The following CCSER1 variants were observed in gnomAD, a reference collection of about 807,000 sequenced individuals.
CCSER1 encodes coiled-coil serine rich protein 1, also known as serine-rich coiled-coil domain-containing protein 1.
CCSER1 carries 41 observed loss-of-function variants against 82.0 expected under a neutral mutation model. That is an observed-to-expected ratio of 0.50 (90% confidence interval 0.39 to 0.65). The LOEUF (loss-of-function observed/expected upper bound fraction) is 0.65, where lower values mean the gene tolerates loss of function less well. CCSER1 is among the 30% of genes least tolerant of loss of function. The probability of loss-of-function intolerance (pLI) is 0.00; values close to 1 mark genes in which losing one functional copy is unlikely to be tolerated. For synonymous variants in CCSER1, 414 were observed against 383.9 expected (o/e 1.08, Z -0.92); for missense variants, 1,119 against 1,064.2 (o/e 1.05, Z -0.72).
chr4:91,119,178 A>G (rs1726880413), intron 10 of CCSER1, among the ~76,000 whole-genome samples: 1 of 152,186 alleles, frequency 6.6e-6, no homozygotes, highest in Admixed American at 6.6e-5. Flanking sequence ...CAGAGATTTC[A>G]GGAAAACATT....
At chr4:90,776,382 A>C (rs958454802) in intron 7 of CCSER1, among the ~76,000 whole-genome samples, 1 of 152,200 alleles carries the variant, frequency 6.6e-6, no homozygotes, top group East Asian at 1.9e-4. Flanking sequence ...AAGTTATCTC[A>C]AAGATAATAG....
At chr4:90,240,939 A>G (rs2153434307) in intron 1 of CCSER1, among the ~76,000 whole-genome samples, 1 of 152,290 alleles carries the variant, frequency 6.6e-6, no homozygotes, top group East Asian at 1.9e-4. Flanking sequence ...AATATGCTCA[A>G]ATTCTTTGAG....
chr4:91,541,856 C>T (rs956336332), intron 10 of CCSER1, among the ~76,000 whole-genome samples: 3 of 152,194 alleles, frequency 2.0e-5, no homozygotes, highest in African/African-American at 4.8e-5. Flanking sequence ...AGTGTAAAAG[C>T]ATTCCTATTG....
intron 10 of CCSER1, among the ~76,000 whole-genome samples, chr4:91,180,006 G>C (rs1411070261): frequency 6.6e-6 from 1 of 152,224 alleles, no homozygotes; most frequent in African/African-American, 2.4e-5. Context: ...TGTCCTTTCT[G>C]TTTATTAGTT....
chr4:91,385,716 A>G (rs1307866331), intron 10 of CCSER1, among the ~76,000 whole-genome samples: 1 of 151,922 alleles, frequency 6.6e-6, no homozygotes, highest in Admixed American at 6.6e-5. Flanking sequence ...GGTAAGGGAA[A>G]AGTGGACAAA....
intron 10 of CCSER1, among the ~76,000 whole-genome samples, chr4:91,162,665 G>A (rs1451149438): frequency 1.3e-5 from 2 of 152,122 alleles, no homozygotes; most frequent in Non-Finnish European, 2.9e-5. Flanking sequence ...TTGGGAGGGT[G>A]TATGTGTCCA....
intron 5 of CCSER1, among the ~76,000 whole-genome samples, chr4:90,584,026 T>G (rs1781714059): frequency 6.6e-6 from 1 of 152,190 alleles, no homozygotes; most frequent in Non-Finnish European, 1.5e-5. Flanking sequence ...GTCACGGTGG[T>G]ATGCAGAACT....
At chr4:90,565,798 A>C (rs1779294190) in intron 5 of CCSER1, among the ~76,000 whole-genome samples, 1 of 150,640 alleles carries the variant, frequency 6.6e-6, no homozygotes, top group Admixed American at 6.6e-5. Context: ...TGTTAATATG[A>C]TGTGTCATAT....
intron 7 of CCSER1, among the ~76,000 whole-genome samples, chr4:90,755,938 TAAG>T (rs1749452000): frequency 6.6e-6 from 1 of 152,152 alleles, no homozygotes; most frequent in Non-Finnish European, 1.5e-5. Flanking sequence ...TTAAAATGCA[TAAG>T]AAGGCCAGCC....
chr4:90,227,539 A>G (rs1743415733), intron 1 of CCSER1, among the ~76,000 whole-genome samples: 1 of 152,248 alleles, frequency 6.6e-6, no homozygotes. Context: ...GCACCTTGCA[A>G]CATGTATTCA....
intron 5 of CCSER1, among the ~76,000 whole-genome samples, chr4:90,565,736 A>G (rs959093017): frequency 2.0e-5 from 3 of 152,208 alleles, no homozygotes; most frequent in Non-Finnish European, 2.9e-5. Context: ...AATTTTATCA[A>G]ATGCTTTTTC....
At chr4:91,092,912 G>A (rs1038550874) in intron 10 of CCSER1, among the ~76,000 whole-genome samples, 5 of 152,164 alleles carry the variant, frequency 3.3e-5, no homozygotes, top group Non-Finnish European at 7.4e-5. Flanking sequence ...GGTGTCCCTT[G>A]CAATGCATGA....
chr4:91,277,610 A>T, intron 10 of CCSER1, among the ~76,000 whole-genome samples: 1 of 78,726 alleles, frequency 1.3e-5, no homozygotes, highest in East Asian at 3.5e-4. Flanking sequence ...TTATCTATTT[A>T]CTTATCTTTT....
At chr4:91,286,699 A>G (rs1264906412) in intron 10 of CCSER1, among the ~76,000 whole-genome samples, 1 of 151,894 alleles carries the variant, frequency 6.6e-6, no homozygotes, top group Non-Finnish European at 1.5e-5. Flanking sequence ...TTTTGTGACC[A>G]TAATTACTAC....
At chr4:91,111,952 C>T (rs1726134191) in intron 10 of CCSER1, among the ~76,000 whole-genome samples, 1 of 151,646 alleles carries the variant, frequency 6.6e-6, no homozygotes, top group Non-Finnish European at 1.5e-5. Context: ...TCTTTCTAAC[C>T]TTGGAAGGGC....
chr4:90,971,963 T>C (rs1735151692), intron 9 of CCSER1, among the ~76,000 whole-genome samples: 1 of 151,816 alleles, frequency 6.6e-6, no homozygotes, highest in Admixed American at 6.6e-5. Context: ...ATAAATACTA[T>C]CAATATATTG....
chr4:91,463,518 A>C (rs1235620606), intron 10 of CCSER1, among the ~76,000 whole-genome samples: 1 of 152,238 alleles, frequency 6.6e-6, no homozygotes, highest in Non-Finnish European at 1.5e-5. Flanking sequence ...AATGACTTTG[A>C]CGAGTTGAGA....
In CCSER1 at chr4:90,308,403, G is replaced by A. The variant is rs76979602; in HGVS notation, c.119G>A (p.Gly40Asp). The change falls in exon 2 of 11, where the codon GGT (glycine) becomes GAT (aspartate). Residue 40 changes from glycine to aspartate, a missense_variant. Coordinates refer to ENST00000509176, the MANE Select transcript of CCSER1 (RefSeq NM_001145065.2). Reference sequence around the variant, plus strand: ...TCACCTTCTTCCAGTAATACAGTTGGTGTCCACAGTTCCTCTCCTTCCAGC... The same window carrying A: ...TCACCTTCTTCCAGTAATACAGTTGATGTCCACAGTTCCTCTCCTTCCAGC... ...PSSPSSSNTV[G>D]VHSSSPSSTN... 1 of 1,613,708 alleles carries A rather than the reference G, an allele frequency of 6.2e-7. No individual in the cohort carries two copies. The highest frequency in any genetic ancestry group is 1.7e-5 in the Admixed American group (1 of 59,934).
At chr4:90,695,989 A>G (rs1050719591) in intron 6 of CCSER1, among the ~76,000 whole-genome samples, 1 of 152,126 alleles carries the variant, frequency 6.6e-6, no homozygotes, top group Non-Finnish European at 1.5e-5. Context: ...AAAAATTTTT[A>G]ATGAATAAAA....
Sources: gnomAD v4.1 joint callset for allele counts (sites outside exome capture counted in the v4.1 genomes callset) on GRCh38, gnomAD v4.1.1 for gene constraint, MANE v1.5 for transcripts, NCBI Gene and HGNC (gene_info 2026-07-23, HGNC 2026-07-21) for gene names.